WWTR1: variants seen among roughly 807,000 people sequenced by gnomAD.
WWTR1 encodes the protein WW domain containing transcription regulator 1, also known as WW domain-containing transcription regulator protein 1.
WWTR1 carries 13 observed loss-of-function variants against 40.1 expected under a neutral mutation model. The ratio of observed to expected loss-of-function variants is 0.32; its 90% CI spans 0.21 to 0.52. The LOEUF (loss-of-function observed/expected upper bound fraction) is 0.52, where lower values mean the gene tolerates loss of function less well. WWTR1 is among the 20% of genes least tolerant of loss of function. The pLI is 0.97. For missense variants in WWTR1, 436 were observed against 523.1 expected, an observed-to-expected ratio of 0.83 and a Z score of 1.63; for synonymous variants, 230 against 210.1, an observed-to-expected ratio of 1.09 and a Z score of -0.82.
chr3:149,667,646 A>G (rs16862112), intron 2 of WWTR1, among the ~76,000 whole-genome samples: 30,148 of 152,014 alleles, frequency 0.2, 3,245 homozygotes, highest in Admixed American at 0.3. Flanking sequence ...CCAAGTCTCA[A>G]TCTGTCCTGA....
chr3:149,532,576 T>C (rs1479401430), intron 4 of WWTR1, among the ~76,000 whole-genome samples: 1 of 152,154 alleles, frequency 6.6e-6, no homozygotes, highest in African/African-American at 2.4e-5. Flanking sequence ...AATTCTAGCC[T>C]TTTTTTGAAT....
chr3:149,640,717 G>A (rs1291461762), intron 2 of WWTR1, among the ~76,000 whole-genome samples: 4 of 151,898 alleles, frequency 2.6e-5, no homozygotes, highest in Non-Finnish European at 4.4e-5. Flanking sequence ...CACCGAGCCC[G>A]ACCAGAATCA....
At chr3:149,617,941 C>T (rs1025091643) in intron 2 of WWTR1, among the ~76,000 whole-genome samples, 4 of 151,920 alleles carry the variant, frequency 2.6e-5, no homozygotes, top group Admixed American at 1.3e-4. Context: ...AAGAAAACAA[C>T]GTTATTATAG....
At chr3:149,630,179 G>T (rs1460007380) in intron 2 of WWTR1, among the ~76,000 whole-genome samples, 1 of 152,002 alleles carries the variant, frequency 6.6e-6, no homozygotes, top group African/African-American at 2.4e-5. Flanking sequence ...AAAATCTTCG[G>T]TGCGTTTTTT....
chr3:149,527,739 G>A (rs1735386743), intron 5 of WWTR1, 97 bp downstream of exon 5: 2 of 1,551,614 alleles, frequency 1.3e-6, no homozygotes, highest in African/African-American at 2.7e-5. Context: ...CAACCCTCAA[G>A]CTCCCCACCT....
intron 4 of WWTR1, among the ~76,000 whole-genome samples, chr3:149,531,959 C>A (rs975472967): frequency 1.3e-5 from 2 of 152,126 alleles, no homozygotes; most frequent in African/African-American, 4.8e-5. Context: ...ACCCAACTAG[C>A]CAGGTGCAGG....
At chr3:149,602,083 T>G (rs1739271607) in intron 2 of WWTR1, among the ~76,000 whole-genome samples, 2 of 152,178 alleles carry the variant, frequency 1.3e-5, no homozygotes, top group South Asian at 4.1e-4. Context: ...AACCAGGTCC[T>G]ACTAGAAAAA....
chr3:149,670,653 AAAAAAGAAAAG>A (rs1204899650), intron 1 of WWTR1: 1 of 151,034 alleles, frequency 6.6e-6, no homozygotes, highest in Non-Finnish European at 1.5e-5. Context: ...CAAAAAAAAA[AAAAAAGAAAAG>A]AAAAGAAAAG....
intron 2 of WWTR1, among the ~76,000 whole-genome samples, chr3:149,612,361 T>C (rs1245183607): frequency 6.6e-6 from 1 of 150,952 alleles, no homozygotes; most frequent in Non-Finnish European, 1.5e-5. Flanking sequence ...CTTAATCCAT[T>C]ATAGGAGGGG....
At position 149,559,242 on chromosome 3, in the gene WWTR1, C is replaced by T. The variant is rs1305083006; in HGVS notation, c.568+13622G>A. Among the ~76,000 whole-genome samples, 8 of 132,734 alleles carry T rather than the reference C, an allele frequency of 6.0e-5. No homozygotes were observed. In the South Asian group the frequency reaches 1.1e-3, roughly 19 times the overall value. The allele number at this position is 132,734 out of a possible 152,430, so 87.1% of individuals were successfully genotyped here. A position where few individuals can be genotyped will look rare whatever the true frequency, so the allele number is the denominator to read the frequency against. On this transcript the variant is annotated intron_variant, in intron 3 of 6. Transcript: ENST00000360632. ...CCAGGAGATGGAGGTTTCAATGAGA[C>T]GAGATCATGCCACTGCACTCCAGCC...
At chr3:149,530,603 G>A (rs190537410) in intron 4 of WWTR1, among the ~76,000 whole-genome samples, 4 of 151,550 alleles carry the variant, frequency 2.6e-5, no homozygotes, top group African/African-American at 7.2e-5. Flanking sequence ...ATAAAATAAT[G>A]CTTGTGTGTG....
At chr3:149,635,174 C>G (rs1353767387) in intron 2 of WWTR1, among the ~76,000 whole-genome samples, 2 of 152,164 alleles carry the variant, frequency 1.3e-5, no homozygotes, top group African/African-American at 2.4e-5. Flanking sequence ...TGCTCTGGGT[C>G]TCCATATTTA....
At chr3:149,679,440 T>C (rs1714382585) in intron 1 of WWTR1, among the ~76,000 whole-genome samples, 1 of 152,208 alleles carries the variant, frequency 6.6e-6, no homozygotes, top group Non-Finnish European at 1.5e-5. Flanking sequence ...AATTCTAGCC[T>C]CTTTTCTCTG....
chr3:149,532,270 A>C (rs1305898727), intron 4 of WWTR1, among the ~76,000 whole-genome samples: 1 of 151,900 alleles, frequency 6.6e-6, no homozygotes, highest in Non-Finnish European at 1.5e-5. Context: ...TCTGAATTCC[A>C]ATCTCAAAAA....
chr3:149,703,949 C>T (rs1246127545), upstream of WWTR1, among the ~76,000 whole-genome samples: 1 of 152,196 alleles, frequency 6.6e-6, no homozygotes, highest in African/African-American at 2.4e-5. Context: ...AATCACCAAG[C>T]TTGAGTATTC....
intron 2 of WWTR1, among the ~76,000 whole-genome samples, chr3:149,581,896 TCA>T (rs1265387438): frequency 6.6e-6 from 1 of 152,074 alleles, no homozygotes; most frequent in African/African-American, 2.4e-5. Flanking sequence ...CTGAACCTAC[TCA>T]GTCAGGCAGA....
intron 1 of WWTR1, among the ~76,000 whole-genome samples, chr3:149,698,249 G>A (rs930593474): frequency 1.3e-5 from 2 of 152,168 alleles, no homozygotes; most frequent in Admixed American, 1.3e-4. Flanking sequence ...ATTGAATCAT[G>A]AGGGCAGTTC....
chr3:149,614,826 T>C (rs1194561441), intron 2 of WWTR1, among the ~76,000 whole-genome samples: 1 of 151,986 alleles, frequency 6.6e-6, no homozygotes, highest in Non-Finnish European at 1.5e-5. Flanking sequence ...CTACTAATAA[T>C]ACAAAAATTA....
intron 2 of WWTR1, among the ~76,000 whole-genome samples, chr3:149,613,252 T>C (rs1299984711): frequency 6.6e-6 from 1 of 152,158 alleles, no homozygotes; most frequent in East Asian, 1.9e-4. Context: ...GAATCATATA[T>C]GAAAGCCTAA....
Sources: gnomAD v4.1 joint callset for allele counts (sites outside exome capture counted in the v4.1 genomes callset) on GRCh38, gnomAD v4.1.1 for gene constraint, MANE v1.5 for transcripts, NCBI Gene and HGNC (gene_info 2026-07-23, HGNC 2026-07-21) for gene names.